ABCA13: variants seen among roughly 807,000 people sequenced by gnomAD.
ABCA13 encodes the protein ATP-binding cassette sub-family A member 13.
In ABCA13, 476 loss-of-function variants were observed where a neutral mutation model predicts 478.7. The observed-to-expected ratio is 0.99, with a 90% CI of 0.92 to 1.07. The LOEUF is 1.07. Ranked by LOEUF, ABCA13 falls within the 50% of genes least tolerant of loss-of-function variation. The pLI, the probability that ABCA13 is intolerant of heterozygous loss-of-function variation, is 0.00. For missense variants in ABCA13, 6,060 were observed against 5,910.6 expected (o/e 1.03, Z -0.83); for synonymous variants, 2,252 against 2,158.9 (o/e 1.04, Z -1.20).
chr7:48,434,471 T>C (rs1822560803), intron 42 of ABCA13, among the ~76,000 whole-genome samples: 1 of 151,876 alleles, frequency 6.6e-6, no homozygotes, highest in African/African-American at 2.4e-5. Context: ...CTTTTTACTC[T>C]ATTAATTGTA....
At chr7:48,318,001 A>G (rs1289992652) in intron 27 of ABCA13, among the ~76,000 whole-genome samples, 5 of 152,194 alleles carry the variant, frequency 3.3e-5, no homozygotes, top group African/African-American at 9.7e-5. Flanking sequence ...GCACCTGGAA[A>G]GGGGACATTT....
chr7:48,302,598 T>G (rs1025728924), intron 23 of ABCA13, among the ~76,000 whole-genome samples: 1 of 152,216 alleles, frequency 6.6e-6, no homozygotes, highest in African/African-American at 2.4e-5. Flanking sequence ...TTTGCAGTAT[T>G]TCATTTTCTG....
At chr7:48,511,301 CTT>C in intron 51 of ABCA13, 102 bp downstream of exon 51, 1 of 945,888 alleles carries the variant, frequency 1.1e-6, no homozygotes, top group Non-Finnish European at 1.6e-6. Flanking sequence ...GATTTCCTCT[CTT>C]TTGAAGCAAT....
chr7:48,275,352 T>A lies in ABCA13; in HGVS notation c.5686T>A (p.Trp1896Arg). The A allele has an allele frequency of 6.2e-7, 1 of 1,613,994 alleles. No individual in the cohort carries two copies. The change falls in exon 17 of 62, where the codon TGG becomes AGG. Residue 1896 changes from tryptophan to arginine, a missense_variant. Trp to Arg is a moderately radical substitution (Grantham distance 101). This residue lies in a region of ABCA13 where 4,423 missense variants were observed against 4,309.1 expected (regional missense o/e 1.03). Coordinates refer to ENST00000435803, the MANE Select transcript of ABCA13 (RefSeq NM_152701.5). ...VVCIIHELVD[W>R]NSILLELSEV... ...CTGCATAATTCATGAATTAGTGGAC[T>A]GGAATTCTATTCTTCTGGAGCTCTC...
chr7:48,396,089 C>G lies in ABCA13; in HGVS notation c.11873+3950C>G, dbSNP rs375511744. 1.4e-4 allele frequency among the ~76,000 whole-genome samples: 21 copies of G among 152,342 alleles called. No individual in the cohort carries two copies. In the East Asian group the frequency reaches 3.1e-3, roughly 22 times the overall value. ...AGGCTCCCACCAGGGCACTGCCGGC[C>G]TGTGCTCCTGCCCATGCTGGTTTTC... On this transcript the variant is annotated intron_variant, in intron 38 of 61. Transcript: ENST00000435803.
chr7:48,294,071 T>C, intron 20 of ABCA13, among the ~76,000 whole-genome samples: 1 of 152,142 alleles, frequency 6.6e-6, no homozygotes, highest in East Asian at 1.9e-4. Context: ...CTCAAGTTTC[T>C]TTAATTTTTT....
intron 48 of ABCA13, among the ~76,000 whole-genome samples, chr7:48,499,630 C>T (rs1162918473): frequency 6.6e-6 from 1 of 152,092 alleles, no homozygotes; most frequent in Non-Finnish European, 1.5e-5. Context: ...GGGCCAATTC[C>T]TGGAAAGAAA....
intron 29 of ABCA13, among the ~76,000 whole-genome samples, chr7:48,339,150 TCA>T (rs1026935044): frequency 6.6e-6 from 1 of 152,138 alleles, no homozygotes; most frequent in African/African-American, 2.4e-5. Flanking sequence ...CCTGGCTCCC[TCA>T]CACTCTGCTT....
At chr7:48,335,779 A>G (rs1221355850) in intron 28 of ABCA13, among the ~76,000 whole-genome samples, 1 of 152,216 alleles carries the variant, frequency 6.6e-6, no homozygotes, top group African/African-American at 2.4e-5. Context: ...TTTTCTTTAA[A>G]TTCTTTATTA....
At chr7:48,644,792 G>T (rs1342970446) in intron 61 of ABCA13, 38 bp downstream of exon 61, 1 of 1,532,052 alleles carries the variant, frequency 6.5e-7, no homozygotes, top group Non-Finnish European at 8.7e-7. Context: ...TTGAATTTTG[G>T]TCTGTTCATC....
rs760907604 is a variant in ABCA13, at chr7:48,276,210, G to C, written c.6544G>C (p.Asp2182His). 6.3e-7 allele frequency: 1 copy of C among 1,583,248 alleles called. No individual in the cohort carries two copies. Among genetic ancestry groups the C allele is most frequent in the Non-Finnish European group, 8.6e-7 (1 of 1,163,912 alleles). Residue 2182 changes from aspartate (D) to histidine (H), a missense_variant, in exon 17 of 62, where the codon GAT becomes CAT. By Grantham distance (81) the Asp-to-His change is moderately conservative. This residue lies in a region of ABCA13 where 4,423 missense variants were observed against 4,309.1 expected (regional missense o/e 1.03). Coordinates refer to ENST00000435803, the MANE Select transcript of ABCA13 (RefSeq NM_152701.5). ...LKNISRAGNF[D>H]VAFLTHLLNQ... Reference sequence around the variant, plus strand: ...AAATATATCTAGAGCAGGCAATTTTGATGTTGCCTTTCTTACCCATCTGCT... The same window carrying C: ...AAATATATCTAGAGCAGGCAATTTTCATGTTGCCTTTCTTACCCATCTGCT...
Position 48,504,977 on chromosome 7 carries a change from G to A in ABCA13, c.13292-1359G>A, listed in dbSNP as rs193059590. ...GTGGGTGTTATTGGTCCAGACAGGT[G>A]AGGGATCAAGACCACACAATTCAGT... On this transcript the variant is annotated intron_variant, in intron 48 of 61. Coordinates refer to ENST00000435803, the MANE Select transcript of ABCA13 (RefSeq NM_152701.5). Among the ~76,000 whole-genome samples the A allele has an allele frequency of 1.8e-3, 267 of 152,290 alleles. 1 individual carries two copies. Among genetic ancestry groups the A allele is most frequent in the African/African-American group, 6.2e-3 (256 of 41,554 alleles).
intron 26 of ABCA13, 122 bp from the exon 27 acceptor site, chr7:48,317,035 G>A (rs772913725): frequency 2.3e-5 from 27 of 1,195,630 alleles, no homozygotes; most frequent in Non-Finnish European, 3.0e-5. Flanking sequence ...GTTCAGAGTG[G>A]TGTCAGAAAA....
At chr7:48,250,920 G>A (rs1438210834) in intron 15 of ABCA13, among the ~76,000 whole-genome samples, 1 of 152,094 alleles carries the variant, frequency 6.6e-6, no homozygotes, top group Non-Finnish European at 1.5e-5. Context: ...TGGACGTCAG[G>A]GACTTGGACA....
intron 55 of ABCA13, among the ~76,000 whole-genome samples, chr7:48,546,971 AT>A (rs1444432458): frequency 6.6e-6 from 1 of 151,784 alleles, no homozygotes; most frequent in Non-Finnish European, 1.5e-5. Flanking sequence ...TTAAATGACA[AT>A]TTAACAATAC....
At position 48,412,465 on chromosome 7, in the gene ABCA13, AC is replaced by A; in HGVS notation, c.12342del (p.Tyr4114Ter). 1 of 1,613,554 alleles carries A rather than the reference AC, an allele frequency of 6.2e-7. No homozygotes were observed. Among genetic ancestry groups the A allele is most frequent in the Non-Finnish European group, 8.5e-7 (1 of 1,179,816 alleles). On this transcript the variant is annotated frameshift_variant, in exon 41 of 62. Coordinates refer to ENST00000435803, the MANE Select transcript of ABCA13 (RefSeq NM_152701.5). LOFTEE classifies it high-confidence loss of function. The part of the protein sequence containing the change: ...LKDSSGSELT[Y>X]TIPKDTDKAC... ...GACAGCAGTGGAAGTGAGCTGACCT[AC>A]ACCATTCCAAAGGACACAGACAAGG...
At chr7:48,395,103 T>C (rs1051168005) in intron 38 of ABCA13, among the ~76,000 whole-genome samples, 3 of 152,200 alleles carry the variant, frequency 2.0e-5, no homozygotes, top group African/African-American at 7.2e-5. Flanking sequence ...CACAGGCACA[T>C]TACAGAAGCT....
chr7:48,372,974 C>T (rs891769618), intron 33 of ABCA13, among the ~76,000 whole-genome samples: 10 of 152,112 alleles, frequency 6.6e-5, no homozygotes, highest in African/African-American at 2.2e-4. Context: ...AGGTCTGTAA[C>T]ATCAAATACG....
At chr7:48,577,927 A>G (rs2131352488) in intron 55 of ABCA13, among the ~76,000 whole-genome samples, 1 of 152,290 alleles carries the variant, frequency 6.6e-6, no homozygotes, top group East Asian at 1.9e-4. Flanking sequence ...AATTTTTGAA[A>G]ATCAATTAAT....
Sources: gnomAD v4.1 joint callset for allele counts (sites outside exome capture counted in the v4.1 genomes callset) on GRCh38, gnomAD v4.1.1 for gene constraint, gnomAD v4.1.1 regional missense constraint, MANE v1.5 for transcripts, NCBI Gene and HGNC (gene_info 2026-07-23, HGNC 2026-07-21) for gene names.